The following ZC3H12B variants were observed in gnomAD, a reference collection of about 807,000 sequenced individuals.
The protein encoded by ZC3H12B is zinc finger CCCH-type containing 12B.
In ZC3H12B, 7 loss-of-function variants were observed where a neutral mutation model predicts 43.9. That is an observed-to-expected ratio of 0.16 (90% CI 0.09 to 0.30). The LOEUF is 0.30. ZC3H12B is among the 10% of genes least tolerant of loss of function. The pLI, the probability that ZC3H12B is intolerant of heterozygous loss-of-function variation, is 1.00. For missense variants in ZC3H12B, 475 were observed against 670.2 expected (o/e 0.71, Z 3.22); for synonymous variants, 222 against 241.7 (o/e 0.92, Z 0.76).
intron 3 of ZC3H12B, chrX:65,469,453 C>G: frequency 2.3e-6 from 1 of 431,808 alleles, no homozygotes; most frequent in Non-Finnish European, 4.3e-6. Flanking sequence ...CTCAATGACT[C>G]CATGCTCTTC....
chrX:65,288,456 C>A, the ZC3H12B span, among the ~76,000 whole-genome samples: 1 of 111,989 alleles, frequency 8.9e-6, no homozygotes. Flanking sequence ...AGTAATACAC[C>A]AAAATCAGAT....
the ZC3H12B span, among the ~76,000 whole-genome samples, chrX:65,121,520 G>A: frequency 1.5e-4 from 17 of 110,810 alleles, no homozygotes; most frequent in Admixed American, 1.9e-4. Flanking sequence ...TTTTTATTCC[G>A]TCTATTTGAT....
intron 3 of ZC3H12B, among the ~76,000 whole-genome samples, chrX:65,440,668 A>G (rs1311325893): frequency 1.8e-5 from 2 of 112,361 alleles, no homozygotes; most frequent in East Asian, 5.6e-4. Context: ...TAAATCTATG[A>G]CTATTAAAGG....
the ZC3H12B span, among the ~76,000 whole-genome samples, chrX:65,348,149 G>T: frequency 8.9e-6 from 1 of 111,859 alleles, no homozygotes; most frequent in African/African-American, 3.3e-5. Flanking sequence ...GTCAATGGGT[G>T]CAGCACACCA....
At chrX:65,430,121 T>C (rs1316449050) in intron 3 of ZC3H12B, among the ~76,000 whole-genome samples, 1 of 112,310 alleles carries the variant, frequency 8.9e-6, no homozygotes, top group African/African-American at 3.2e-5. Context: ...CTTGCCTGTG[T>C]TGCACACACA....
intron 3 of ZC3H12B, among the ~76,000 whole-genome samples, chrX:65,472,027 G>A (rs1368707985): frequency 9.0e-6 from 1 of 111,494 alleles, no homozygotes; most frequent in African/African-American, 3.3e-5. Flanking sequence ...AACTCCCTCA[G>A]CATTTGCTTG....
the ZC3H12B span, among the ~76,000 whole-genome samples, chrX:65,164,158 T>A: frequency 6.3e-5 from 7 of 111,384 alleles, no homozygotes; most frequent in African/African-American, 2.3e-4. Context: ...TCCAAGAAGT[T>A]GGAGGCTAGG....
the ZC3H12B span, among the ~76,000 whole-genome samples, chrX:65,225,428 A>C: frequency 8.9e-6 from 1 of 112,206 alleles, no homozygotes; most frequent in Admixed American, 9.4e-5. Context: ...ACGGGGAAAA[A>C]ACAGAGCAGA....
the ZC3H12B span, among the ~76,000 whole-genome samples, chrX:65,274,957 G>A: frequency 1.8e-5 from 2 of 111,787 alleles, no homozygotes; most frequent in African/African-American, 6.5e-5. Flanking sequence ...TAGATCCTTG[G>A]GCCATCCCTG....
At chrX:65,274,307 A>G in the ZC3H12B span, among the ~76,000 whole-genome samples, 5 of 111,250 alleles carry the variant, frequency 4.5e-5, no homozygotes, top group African/African-American at 9.8e-5. Context: ...TGCACTTCCC[A>G]TGCTCTGTGA....
the ZC3H12B span, among the ~76,000 whole-genome samples, chrX:65,214,372 T>C: frequency 4.5e-5 from 5 of 112,143 alleles, no homozygotes; most frequent in African/African-American, 1.6e-4. Context: ...CCTCTAAAAT[T>C]TTGCTGCTTC....
At chrX:65,204,164 C>T in the ZC3H12B span, among the ~76,000 whole-genome samples, 1 of 105,237 alleles carries the variant, frequency 9.5e-6, no homozygotes, top group African/African-American at 4.1e-5. Flanking sequence ...TCTTCAGTGC[C>T]TTTTTAAGGA....
chrX:65,153,466 A>T, the ZC3H12B span, among the ~76,000 whole-genome samples: 1 of 112,631 alleles, frequency 8.9e-6, no homozygotes, highest in Non-Finnish European at 1.9e-5. Flanking sequence ...GCAGCCAAAA[A>T]ACACATGAAA....
At chrX:65,421,603 C>A (rs1018425619) in intron 3 of ZC3H12B, among the ~76,000 whole-genome samples, 2 of 112,437 alleles carry the variant, frequency 1.8e-5, no homozygotes, top group Non-Finnish European at 3.8e-5. Flanking sequence ...AATGCCTTGT[C>A]TCCACAATCA....
the ZC3H12B span, among the ~76,000 whole-genome samples, chrX:65,157,020 G>A: frequency 9.2e-6 from 1 of 109,264 alleles, no homozygotes; most frequent in Non-Finnish European, 1.9e-5. Flanking sequence ...TTACTCTTTT[G>A]CCCAGGCTGG....
the ZC3H12B span, among the ~76,000 whole-genome samples, chrX:65,335,220 C>T: frequency 8.9e-6 from 1 of 111,772 alleles, no homozygotes; most frequent in Non-Finnish European, 1.9e-5. Flanking sequence ...ATAAGGAAGA[C>T]AGAGGATTTT....
the ZC3H12B span, among the ~76,000 whole-genome samples, chrX:65,239,425 AT>A: frequency 2.0e-5 from 2 of 101,326 alleles, no homozygotes; most frequent in African/African-American, 7.3e-5. Context: ...TTTGCTTGAT[AT>A]TTTTTCCTCC....
At chrX:65,299,984 G>A in the ZC3H12B span, among the ~76,000 whole-genome samples, 1 of 112,528 alleles carries the variant, frequency 8.9e-6, no homozygotes, top group Admixed American at 9.4e-5. Flanking sequence ...GAGGGAAGCA[G>A]CAGGATGAGC....
the ZC3H12B span, among the ~76,000 whole-genome samples, chrX:65,153,475 A>G: frequency 8.9e-6 from 1 of 111,946 alleles, no homozygotes. Flanking sequence ...AAACACATGA[A>G]AAAATGCTCA....
Sources: gnomAD v4.1 joint callset for allele counts (sites outside exome capture counted in the v4.1 genomes callset) on GRCh38, gnomAD v4.1.1 for gene constraint, MANE v1.5 for transcripts, NCBI Gene and HGNC (gene_info 2026-07-23, HGNC 2026-07-21) for gene names.